The following WNT16 variants were observed in gnomAD, a reference collection of about 807,000 sequenced individuals.
WNT16 encodes Wnt family member 16, also known as protein Wnt-16.
In WNT16, 20 loss-of-function variants were observed where a neutral mutation model predicts 35.4. That is an observed-to-expected ratio of 0.56 (90% CI 0.40 to 0.82). The LOEUF is 0.82. Among genes scored for constraint, WNT16 ranks in the 40% least tolerant of loss-of-function variants. The pLI, the probability that WNT16 is intolerant of heterozygous loss-of-function variation, is 0.00. For synonymous variants in WNT16, 180 were observed against 179.2 expected (o/e 1.00, Z -0.03); for missense variants, 461 against 466.0 (o/e 0.99, Z 0.10).
Position 121,329,209 on chromosome 7 carries a change from G to A in WNT16, c.-84G>A, listed in dbSNP as rs1453544101. On this transcript the variant is annotated 5_prime_UTR_variant, in exon 1 of 4. The change creates a premature stop within an existing upstream ORF in the 5' untranslated region. Transcript: ENST00000222462. Reference sequence around the variant, plus strand: ...GAGGGCGAGGGATAACTTGGTGCTGGACAACTGACCTGCGGCCCGAAGGGC... The same window carrying A: ...GAGGGCGAGGGATAACTTGGTGCTGAACAACTGACCTGCGGCCCGAAGGGC... 4.8e-6 allele frequency: 7 copies of A among 1,453,410 alleles called. No individual in the cohort carries two copies. The Admixed American group carries it at 1.9e-4, about 39-fold the overall frequency. 90.0% of individuals were successfully genotyped at this position (1,453,410 alleles called of 1,614,324 possible).
intron 3 of WNT16, among the ~76,000 whole-genome samples, chr7:121,333,149 G>C (rs904893066): frequency 2.6e-4 from 40 of 152,038 alleles, no homozygotes; most frequent in African/African-American, 9.6e-4. Flanking sequence ...AGTAATCATT[G>C]CAATCTGTCA....
At chr7:121,331,090 A>C (rs1793338760) in intron 2 of WNT16, among the ~76,000 whole-genome samples, 1 of 152,236 alleles carries the variant, frequency 6.6e-6, no homozygotes, top group Admixed American at 6.5e-5. Flanking sequence ...TAAAATGTTT[A>C]ACTGTTTCAT....
At chr7:121,330,714 G>GAAAAAAAAA (rs11371537) in intron 2 of WNT16, among the ~76,000 whole-genome samples, 1 of 88,184 alleles carries the variant, frequency 1.1e-5, no homozygotes, top group African/African-American at 4.6e-5. Context: ...CCCGTAGAGA[G>GAAAAAAAAA]AAAAAAAAAA....
At chr7:121,326,832 T>G (rs1793253732), upstream of WNT16, among the ~76,000 whole-genome samples, 1 of 152,190 alleles carries the variant, frequency 6.6e-6, no homozygotes, top group Non-Finnish European at 1.5e-5. Flanking sequence ...CTACCACCGT[T>G]GGCCCTAAAA....
chr7:121,333,340 T>C (rs1793384902), intron 3 of WNT16, among the ~76,000 whole-genome samples: 1 of 152,002 alleles, frequency 6.6e-6, no homozygotes, highest in Non-Finnish European at 1.5e-5. Context: ...AGTCGGTAAA[T>C]ATATCACTGT....
At chr7:121,330,361 G>A (rs1793320699) in intron 2 of WNT16, among the ~76,000 whole-genome samples, 1 of 152,256 alleles carries the variant, frequency 6.6e-6, no homozygotes, top group African/African-American at 2.4e-5. Context: ...AACCTGAGCA[G>A]GACCACTTGT....
Position 121,339,127 on chromosome 7 carries a change from T to C in WNT16, c.880T>C (p.Cys294Arg). 6.2e-7 allele frequency: 1 copy of C among 1,614,174 alleles called. No homozygotes were observed. The highest frequency in any genetic ancestry group is 8.5e-7 in the Non-Finnish European group (1 of 1,180,032). Reference sequence around the variant, plus strand: ...CTATGTTAATAAGTCTCCCAACTACTGTGTAGAAGATAAGAAACTGGGAAT... The same window carrying C: ...CTATGTTAATAAGTCTCCCAACTACCGTGTAGAAGATAAGAAACTGGGAAT... ...LLYVNKSPNY[C>R]VEDKKLGIPG... The change falls in exon 4 of 4, where the codon TGT becomes CGT. Residue 294 changes from cysteine to arginine, a missense_variant. By Grantham distance (180) the Cys-to-Arg change is radical. Coordinates refer to ENST00000222462, the MANE Select transcript of WNT16 (RefSeq NM_057168.2).
intron 3 of WNT16, among the ~76,000 whole-genome samples, chr7:121,338,087 G>A: frequency 6.6e-6 from 1 of 152,120 alleles, no homozygotes; most frequent in South Asian, 2.1e-4. Flanking sequence ...CTGGAACCAG[G>A]GGATAGCATA....
rs755243456 is a variant in WNT16, at chr7:121,329,297, A to G, written c.5A>G (p.Asp2Gly). 4.5e-6 allele frequency: 7 copies of G among 1,571,222 alleles called. No homozygotes were observed. Among genetic ancestry groups the G allele is most frequent in the Non-Finnish European group, 5.2e-6 (6 of 1,158,632 alleles). ...GGGGGACTCCATGCGGGGGCGATGG[A>G]CAGGGCGGCGCTCCTGGGACTGGCC... is the stretch of plus-strand genomic sequence containing the variant. M[D>G]RAALLGLARL... The change falls in exon 1 of 4, where the codon GAC becomes GGC. Residue 2 changes from aspartate to glycine, a missense_variant. Transcript: ENST00000222462.
intron 3 of WNT16, among the ~76,000 whole-genome samples, chr7:121,337,786 T>C (rs903218952): frequency 6.6e-6 from 1 of 152,234 alleles, no homozygotes; most frequent in Non-Finnish European, 1.5e-5. Context: ...AAGGGGCTTT[T>C]ATTTAGACCT....
intron 2 of WNT16, among the ~76,000 whole-genome samples, chr7:121,330,872 G>T (rs1204855990): frequency 1.3e-5 from 2 of 150,938 alleles, no homozygotes; most frequent in African/African-American, 4.9e-5. Flanking sequence ...AAAAAAAGTC[G>T]CCTGCTGATT....
rs916640955 is a variant in WNT16, at chr7:121,339,760, C to T, written c.*415C>T. On this transcript the variant is annotated 3_prime_UTR_variant, in exon 4 of 4. Transcript: ENST00000222462. ...AACATTAGTCATTTTTAAAAGACAC[C>T]TCTTATAGCAATAAGGAGACATTAA... 2 of 325,220 alleles carry T rather than the reference C, an allele frequency of 6.1e-6. No individual in the cohort carries two copies. Among genetic ancestry groups the T allele is most frequent in the African/African-American group, 4.2e-5 (2 of 47,080 alleles). 20.1% of individuals were successfully genotyped at this position (325,220 alleles called of 1,614,324 possible). A position where few individuals can be genotyped will look rare whatever the true frequency, so the allele number is the denominator to read the frequency against.
chr7:121,325,740 G>A (rs1793235258), upstream of WNT16, among the ~76,000 whole-genome samples: 1 of 151,838 alleles, frequency 6.6e-6, no homozygotes, highest in Admixed American at 6.6e-5. Flanking sequence ...GTATGTTGTA[G>A]TGAAAAAAAC....
chr7:121,340,277 T>A lies in WNT16; in HGVS notation c.*932T>A, dbSNP rs1470923398. 1.3e-5 allele frequency: 2 copies of A among 152,192 alleles called. No homozygotes were observed. Among genetic ancestry groups the A allele is most frequent in the African/African-American group, 4.8e-5 (2 of 41,458 alleles). 9.4% of individuals were successfully genotyped at this position (152,192 alleles called of 1,614,324 possible). ...AAAGACAGTGTTTTGTAAAGAATTT[T>A]GTTTAAAAAGTTTCTATTTTGTAAA... On this transcript the variant is annotated 3_prime_UTR_variant, in exon 4 of 4. Coordinates refer to ENST00000222462, the MANE Select transcript of WNT16 (RefSeq NM_057168.2).
chr7:121,339,216 C>T lies in WNT16; in HGVS notation c.969C>T (p.Leu323=), dbSNP rs1201528912. 1 of 1,614,200 alleles carries T rather than the reference C, an allele frequency of 6.2e-7. No homozygotes were observed. Among genetic ancestry groups the T allele is most frequent in the Non-Finnish European group, 8.5e-7 (1 of 1,180,024 alleles). ...AGGGTGCAGATGGCTGCAACCTCCTCTGCTGTGGCCGAGGTTACAACACCC... is the reference window on the plus strand; with the variant it reads ...AGGGTGCAGATGGCTGCAACCTCCTTTGCTGTGGCCGAGGTTACAACACCC... The part of the protein sequence containing the change: ...TSEGADGCNL[L]CCGRGYNTHV... The change falls in exon 4 of 4, where the codon CTC becomes CTT. Residue 323 remains leucine, a synonymous_variant. Coordinates refer to ENST00000222462, the MANE Select transcript of WNT16 (RefSeq NM_057168.2).
intron 3 of WNT16, among the ~76,000 whole-genome samples, chr7:121,336,298 A>G (rs1180856012): frequency 6.6e-6 from 1 of 151,954 alleles, no homozygotes; most frequent in Admixed American, 6.6e-5. Context: ...CGAGGATACA[A>G]AAATAATATG....
rs1383223375 is a variant in WNT16 at position 121,339,255 on chromosome 7, C to T, written c.1008C>T (p.His336=). 3.1e-6 allele frequency: 5 copies of T among 1,614,152 alleles called. No homozygotes were observed. The highest frequency in any genetic ancestry group is 1.7e-5 in the Admixed American group (1 of 60,010). Residue 336 remains histidine (H), a synonymous_variant, in exon 4 of 4, where the codon CAC becomes CAT. Transcript: ENST00000222462. ...GTTACAACACCCATGTGGTCAGGCA[C>T]GTGGAGAGGTGTGAGTGTAAGTTCA... ...GRGYNTHVVR[H]VERCECKFIW... is the part of the protein sequence containing the mutation.
At chr7:121,328,642 C>T (rs904856410), upstream of WNT16, among the ~76,000 whole-genome samples, 2 of 152,216 alleles carry the variant, frequency 1.3e-5, no homozygotes, top group Non-Finnish European at 2.9e-5. Context: ...TTTCCAGCCA[C>T]TACACCCAGA....
At chr7:121,332,165 C>T (rs1406563218) in intron 3 of WNT16, among the ~76,000 whole-genome samples, 3 of 152,010 alleles carry the variant, frequency 2.0e-5, no homozygotes, top group Non-Finnish European at 4.4e-5. Flanking sequence ...GTTAAAGCAT[C>T]CATGGTAAGC....
Sources: gnomAD v4.1 joint callset for allele counts (sites outside exome capture counted in the v4.1 genomes callset) on GRCh38, gnomAD v4.1.1 for gene constraint, MANE v1.5 for transcripts, NCBI Gene and HGNC (gene_info 2026-07-23, HGNC 2026-07-21) for gene names.